The following CDH12 variants were observed in gnomAD, a reference collection of about 807,000 sequenced individuals.
The protein encoded by CDH12 is cadherin-12.
Under a neutral mutation model 74.1 loss-of-function variants are expected in CDH12, and 41 were observed. The observed-to-expected ratio is 0.55, with a 90% CI of 0.43 to 0.72. The LOEUF is 0.72. Among genes scored for constraint, CDH12 ranks in the 30% least tolerant of loss-of-function variants. The pLI is 0.00. For missense variants in CDH12, 945 were observed against 977.2 expected, an observed-to-expected ratio of 0.97 and a Z score of 0.44; for synonymous variants, 399 against 355.0, an observed-to-expected ratio of 1.12 and a Z score of -1.39.
chr5:22,728,606 C>CATT (rs1264025161), intron 1 of CDH12, among the ~76,000 whole-genome samples: 27 of 151,960 alleles, frequency 1.8e-4, no homozygotes, highest in African/African-American at 6.0e-4. Context: ...ACCTTTGATA[C>CATT]ATTATTTGAG....
rs182745716 is a variant in CDH12, at chr5:21,867,817, T to C, written c.527-13027A>G. Among the ~76,000 whole-genome samples the C allele has an allele frequency of 1.1e-3, 164 of 152,308 alleles. 2 individuals are homozygous for C. The highest frequency in any genetic ancestry group is 6.8e-3 in the Middle Eastern group (2 of 294). On this transcript the variant is annotated intron_variant, in intron 6 of 14. Transcript: ENST00000382254. ...ACTTTGGGGGACTGTTGGGAAAGCA[T>C]GATTGGCTTTTAAATGTGAGGACAT...
chr5:22,849,238 T>C (rs1447148223), intron 1 of CDH12, among the ~76,000 whole-genome samples: 2 of 152,116 alleles, frequency 1.3e-5, no homozygotes, highest in African/African-American at 2.4e-5. Flanking sequence ...AAAAGTTAAA[T>C]AACTTTTCCC....
At chr5:22,728,934 A>G (rs973200521) in intron 1 of CDH12, among the ~76,000 whole-genome samples, 2 of 151,780 alleles carry the variant, frequency 1.3e-5, no homozygotes, top group African/African-American at 2.4e-5. Context: ...AAAGCATGCA[A>G]TCCATAACAG....
intron 1 of CDH12, among the ~76,000 whole-genome samples, chr5:22,739,032 C>T (rs147006292): frequency 6.6e-6 from 1 of 152,084 alleles, no homozygotes; most frequent in East Asian, 1.9e-4. Flanking sequence ...AAAAACTATA[C>T]ATTAATTTCA....
intron 1 of CDH12, among the ~76,000 whole-genome samples, chr5:22,831,682 G>GTCAGGAGT (rs1220628971): frequency 6.6e-6 from 1 of 152,024 alleles, no homozygotes; most frequent in African/African-American, 2.4e-5. Flanking sequence ...GGATCACGAG[G>GTCAGGAGT]TCAGGAGTTC....
At chr5:22,043,916 C>A (rs1212223880) in intron 5 of CDH12, among the ~76,000 whole-genome samples, 1 of 152,056 alleles carries the variant, frequency 6.6e-6, no homozygotes, top group Admixed American at 6.6e-5. Context: ...GACTTTAAAA[C>A]TCTGATGAAA....
intron 3 of CDH12, among the ~76,000 whole-genome samples, chr5:22,274,249 C>T (rs148637626): frequency 3.3e-5 from 5 of 151,632 alleles, no homozygotes; most frequent in African/African-American, 1.2e-4. Flanking sequence ...ATTTTACATG[C>T]CAAGAATCGA....
chr5:21,880,653 T>TTC (rs1752281927), intron 6 of CDH12, among the ~76,000 whole-genome samples: 2 of 134,778 alleles, frequency 1.5e-5, no homozygotes, highest in African/African-American at 5.5e-5. Context: ...CTTTCTTTCT[T>TTC]TCTTTCTTTC....
At chr5:22,549,523 G>A (rs1466420996) in intron 1 of CDH12, among the ~76,000 whole-genome samples, 2 of 151,692 alleles carry the variant, frequency 1.3e-5, no homozygotes, top group African/African-American at 4.8e-5. Flanking sequence ...TTTTGTTTCT[G>A]AGTTAAATAA....
intron 3 of CDH12, among the ~76,000 whole-genome samples, chr5:22,312,403 T>G (rs1738432507): frequency 6.6e-6 from 1 of 152,174 alleles, no homozygotes; most frequent in Non-Finnish European, 1.5e-5. Flanking sequence ...AATTAAAAAG[T>G]AAATATACCC....
At chr5:21,793,386 T>C (rs1374999716) in intron 10 of CDH12, among the ~76,000 whole-genome samples, 4 of 151,788 alleles carry the variant, frequency 2.6e-5, no homozygotes, top group Non-Finnish European at 3.0e-5. Context: ...AGTGCACTTA[T>C]ATGTGTAAAT....
chr5:22,084,630 T>C (rs929899570), intron 4 of CDH12, among the ~76,000 whole-genome samples: 3 of 152,182 alleles, frequency 2.0e-5, no homozygotes, highest in Non-Finnish European at 4.4e-5. Context: ...CTAAAATCCA[T>C]TTCAAGTCTC....
Position 22,639,432 on chromosome 5 carries a change from CTT to C in CDH12, c.-522-134070_-522-134069del, listed in dbSNP as rs10706075. On this transcript the variant is annotated intron_variant, in intron 1 of 14. Coordinates refer to ENST00000382254, the MANE Select transcript of CDH12 (RefSeq NM_004061.5). ...GGATGATATTTAAGCTTTTCTTCTT[CTT>C]TTTTTTTTTTTTTTTTCAAATTTTC... Among the ~76,000 whole-genome samples the C allele has an allele frequency of 8.2e-3, 948 of 115,608 alleles. 4 individuals are homozygous for C. Among genetic ancestry groups the C allele is most frequent in the African/African-American group, 0.021 (624 of 30,250 alleles). The allele number at this position is 115,608 out of a possible 152,430, so 75.8% of individuals were successfully genotyped here. A position where few individuals can be genotyped will look rare whatever the true frequency, so the allele number is the denominator to read the frequency against.
chr5:22,328,340 T>A (rs1739211174), intron 3 of CDH12, among the ~76,000 whole-genome samples: 1 of 152,208 alleles, frequency 6.6e-6, no homozygotes, highest in South Asian at 2.1e-4. Context: ...GTTTAAGATA[T>A]ATCAGACATA....
chr5:22,280,885 C>T (rs934494832), intron 3 of CDH12, among the ~76,000 whole-genome samples: 1 of 152,134 alleles, frequency 6.6e-6, no homozygotes, highest in Admixed American at 6.5e-5. Context: ...AGGCCAGTAT[C>T]ATCCAGATAC....
intron 6 of CDH12, among the ~76,000 whole-genome samples, chr5:21,920,667 T>TATTATAATAATAATA (rs149078574): frequency 0.012 from 1,689 of 145,528 alleles, 30 homozygotes; most frequent in African/African-American, 0.038. Context: ...GAACTTAAAG[T>TATTATAATAATAATA]ATGATAATAA....
chr5:21,821,967 C>A (rs566527052), intron 8 of CDH12, among the ~76,000 whole-genome samples: 1 of 151,588 alleles, frequency 6.6e-6, no homozygotes, highest in African/African-American at 2.4e-5. Context: ...TTAAACAACA[C>A]GAAAAGGAAA....
chr5:22,192,780 T>C (rs979084934), intron 4 of CDH12, among the ~76,000 whole-genome samples: 1 of 152,152 alleles, frequency 6.6e-6, no homozygotes, highest in Admixed American at 6.5e-5. Flanking sequence ...TTCATGTAGG[T>C]AAGTGATAAG....
chr5:21,924,294 G>A (rs754104208), intron 6 of CDH12, among the ~76,000 whole-genome samples: 45 of 152,126 alleles, frequency 3.0e-4, no homozygotes, highest in Admixed American at 4.6e-4. Context: ...TTCGAAGGCC[G>A]AGGCCGAGGT....
Sources: allele counts gnomAD v4.1 joint callset (sites outside exome capture counted in the v4.1 genomes callset), GRCh38; gene constraint gnomAD v4.1.1; transcripts MANE v1.5; gene names NCBI Gene and HGNC (gene_info 2026-07-23, HGNC 2026-07-21).